Variants in SMARCA2 observed in about 807,000 individuals in gnomAD.
SMARCA2 encodes the protein SWI/SNF related BAF chromatin remodeling complex subunit ATPase 2, also known as SWI/SNF-related matrix-associated actin-dependent regulator of chromatin subfamily A member 2.
A neutral mutation model predicts 199.8 loss-of-function variants in SMARCA2; 61 were observed. The ratio of observed to expected loss-of-function variants is 0.31; its 90% CI spans 0.25 to 0.38. SMARCA2 has a LOEUF of 0.38. Among genes scored for constraint, SMARCA2 ranks in the 10% least tolerant of loss-of-function variants. The probability of loss-of-function intolerance (pLI) is 1.00; values close to 1 mark genes in which losing one functional copy is unlikely to be tolerated. For missense variants in SMARCA2, 1,344 were observed against 2,012.2 expected, an observed-to-expected ratio of 0.67 and a Z score of 6.35; for synonymous variants, 935 against 732.0, an observed-to-expected ratio of 1.28 and a Z score of -4.48.
chr9:2,031,350 G>A (rs556903218), intron 2 of SMARCA2, among the ~76,000 whole-genome samples: 1 of 152,240 alleles, frequency 6.6e-6, no homozygotes, highest in African/African-American at 2.4e-5. Context: ...TTTCTGTTTA[G>A]ATTAAATGAA....
intron 1 of SMARCA2, among the ~76,000 whole-genome samples, chr9:2,023,068 C>T (rs555426423): frequency 2.0e-5 from 3 of 152,260 alleles, no homozygotes; most frequent in African/African-American, 7.2e-5. Flanking sequence ...ACTGTCAGTC[C>T]TCATGGAAGA....
In SMARCA2 at chr9:2,110,489, C is replaced by T; in HGVS notation, c.3456+72C>T. ...CTAAAAGATGATCAGTTTCATTATT[C>T]ACATTTACAGGACAGAGCAAATATC... On this transcript the variant is annotated intron_variant, in intron 24 of 33. Transcript: ENST00000349721. The surrounding 1 kb of genome is among the most constrained non-coding windows in gnomAD (Gnocchi z 4.8). 1 of 1,269,902 alleles carries T rather than the reference C, an allele frequency of 7.9e-7. No homozygotes were observed. The highest frequency in any genetic ancestry group is 1.1e-6 in the Non-Finnish European group (1 of 921,150). 78.7% of individuals were successfully genotyped at this position (1,269,902 alleles called of 1,614,324 possible).
rs540418002 is a variant in SMARCA2, at chr9:2,144,724, G to T, written c.3982-16962G>T. ...ACAGCCTTCCTGAATTATGGCTTATGTCCCCTCCAGGGGGGCAGTAGTGAA... is the reference window on the plus strand; with the variant it reads ...ACAGCCTTCCTGAATTATGGCTTATTTCCCCTCCAGGGGGGCAGTAGTGAA... On this transcript the variant is annotated intron_variant, in intron 27 of 33. Transcript: ENST00000349721. 4.6e-5 allele frequency among the ~76,000 whole-genome samples: 7 copies of T among 152,292 alleles called. No homozygotes were observed. The South Asian group carries it at 1.4e-3, about 32-fold the overall frequency.
At chr9:2,187,405 C>G (rs1827543690) in intron 32 of SMARCA2, among the ~76,000 whole-genome samples, 2 of 152,052 alleles carry the variant, frequency 1.3e-5, no homozygotes, top group Non-Finnish European at 2.9e-5. Context: ...GGCATGTTGG[C>G]TCACAAATAT....
At chr9:2,048,349 TATG>T (rs1819972116) in intron 5 of SMARCA2, among the ~76,000 whole-genome samples, 1 of 152,190 alleles carries the variant, frequency 6.6e-6, no homozygotes, top group African/African-American at 2.4e-5. Flanking sequence ...GTGGCGAAGT[TATG>T]TCTCTTTTCT....
At chr9:2,172,727 C>A (rs867230178) in intron 29 of SMARCA2, among the ~76,000 whole-genome samples, 2 of 152,084 alleles carry the variant, frequency 1.3e-5, no homozygotes, top group Non-Finnish European at 2.9e-5. Context: ...AGGAGGCCAA[C>A]GGAGAGCACA....
intron 27 of SMARCA2, among the ~76,000 whole-genome samples, chr9:2,125,960 A>T (rs1474727479): frequency 2.0e-5 from 3 of 152,232 alleles, no homozygotes; most frequent in Non-Finnish European, 4.4e-5. Flanking sequence ...TTTCCAGTTT[A>T]AGATATCTGT....
At chr9:2,103,635 TGTGTGTAC>T (rs1427419633) in intron 22 of SMARCA2, among the ~76,000 whole-genome samples, 1 of 143,012 alleles carries the variant, frequency 7.0e-6, no homozygotes, top group African/African-American at 3.0e-5. Context: ...CATATACGTG[TGTGTGTAC>T]GTGTGTGTGT....
intron 29 of SMARCA2, among the ~76,000 whole-genome samples, chr9:2,180,694 T>C (rs10965113): frequency 0.17 from 25,786 of 152,206 alleles, 2,279 homozygotes; most frequent in East Asian, 0.26. Context: ...TGAACCTAAA[T>C]TGTGAATCTC....
chr9:2,044,420 C>G (rs963430931), intron 4 of SMARCA2: 1 of 152,206 alleles, frequency 6.6e-6, no homozygotes, highest in Non-Finnish European at 1.5e-5. Flanking sequence ...AAAAAGAGTA[C>G]TCCCAAAGTT....
At chr9:2,152,585 C>T (rs1825133722) in intron 27 of SMARCA2, among the ~76,000 whole-genome samples, 3 of 149,776 alleles carry the variant, frequency 2.0e-5, no homozygotes, top group Non-Finnish European at 4.4e-5. Context: ...GGTGCATTGG[C>T]TCACACCTGT....
intron 9 of SMARCA2, among the ~76,000 whole-genome samples, chr9:2,063,114 C>T (rs149488065): frequency 3.3e-5 from 5 of 152,242 alleles, no homozygotes; most frequent in African/African-American, 7.2e-5. Flanking sequence ...CATTTGTGCC[C>T]TCAGCAGGAC....
chr9:2,154,773 ATTC>A (rs1825258085), intron 27 of SMARCA2, among the ~76,000 whole-genome samples: 1 of 152,198 alleles, frequency 6.6e-6, no homozygotes, highest in South Asian at 2.1e-4. Context: ...GCATTAAGTT[ATTC>A]TTTGTGAGCA....
chr9:2,090,512 C>T (rs1187386103), intron 19 of SMARCA2, among the ~76,000 whole-genome samples: 4 of 152,152 alleles, frequency 2.6e-5, no homozygotes, highest in Non-Finnish European at 4.4e-5. Context: ...TTAGTGTTCT[C>T]ATCAGTGAAC....
chr9:2,186,754 G>A (rs1258641662), intron 32 of SMARCA2, among the ~76,000 whole-genome samples: 1 of 152,154 alleles, frequency 6.6e-6, no homozygotes, highest in Admixed American at 6.5e-5. Context: ...TCAAACTCCT[G>A]GCCTCACGTG....
At chr9:2,154,844 ACC>A in intron 27 of SMARCA2, among the ~76,000 whole-genome samples, 1 of 152,288 alleles carries the variant, frequency 6.6e-6, no homozygotes, top group South Asian at 2.1e-4. Flanking sequence ...TATACTGAGA[ACC>A]TCGAAGTACA....
intron 9 of SMARCA2, among the ~76,000 whole-genome samples, chr9:2,066,879 A>G (rs138469183): frequency 1.1e-3 from 164 of 152,356 alleles, no homozygotes; most frequent in Non-Finnish European, 1.8e-3. Flanking sequence ...CAAACAGTAG[A>G]CCAATCACAA....
intron 19 of SMARCA2, among the ~76,000 whole-genome samples, chr9:2,090,095 C>T (rs1821987938): frequency 6.6e-6 from 1 of 152,042 alleles, no homozygotes. Flanking sequence ...GAAATTTTTG[C>T]AGCTTAAGAA....
rs1309171282 is a variant in SMARCA2 at position 2,169,176 on chromosome 9, C to T, written c.4200-1243C>T. On this transcript the variant is annotated intron_variant, in intron 28 of 33. Coordinates refer to ENST00000349721, the MANE Select transcript of SMARCA2 (RefSeq NM_003070.5). This position sits in a 1 kb window ranked among gnomAD's most constrained non-coding sequence, Gnocchi z 6.5. ...CAAGACACCCGTTCACCTGCCTCCT[C>T]ACCCCCTGTCTTCCTGAGGCCCTTG... 1.3e-5 allele frequency among the ~76,000 whole-genome samples: 2 copies of T among 152,180 alleles called. No homozygotes were observed. The highest frequency in any genetic ancestry group is 4.8e-5 in the African/African-American group (2 of 41,440).
Sources: gnomAD v4.1 joint callset for allele counts (sites outside exome capture counted in the v4.1 genomes callset) on GRCh38, gnomAD v4.1.1 for gene constraint, Gnocchi (gnomAD v3.1) non-coding constraint, MANE v1.5 for transcripts, NCBI Gene and HGNC (gene_info 2026-07-23, HGNC 2026-07-21) for gene names.